FAM120B: variants seen among roughly 807,000 people sequenced by gnomAD.
The protein encoded by FAM120B is family with sequence similarity 120 member B, also known as constitutive coactivator of peroxisome proliferator-activated receptor gamma.
In FAM120B, 83 loss-of-function variants were observed where a neutral mutation model predicts 96.3. That is an observed-to-expected ratio of 0.86 (90% CI 0.72 to 1.03). The LOEUF (loss-of-function observed/expected upper bound fraction) is 1.03, where lower values mean the gene tolerates loss of function less well. Among genes scored for constraint, FAM120B ranks in the 50% least tolerant of loss-of-function variants. The pLI is 0.00. For synonymous variants in FAM120B, 407 were observed against 402.7 expected, an observed-to-expected ratio of 1.01 and a Z score of -0.13; for missense variants, 1,027 against 1,121.2, an observed-to-expected ratio of 0.92 and a Z score of 1.20.
At chr6:170,335,462 G>C (rs1259943697) in intron 4 of FAM120B, among the ~76,000 whole-genome samples, 1 of 152,112 alleles carries the variant, frequency 6.6e-6, no homozygotes, top group African/African-American at 2.4e-5. Flanking sequence ...TATCATTGAT[G>C]GGCATTTGGA....
At chr6:170,399,240 G>T (rs1328176935) in intron 9 of FAM120B, among the ~76,000 whole-genome samples, 2 of 146,438 alleles carry the variant, frequency 1.4e-5, no homozygotes, top group Admixed American at 6.7e-5. Flanking sequence ...TAACTCTTAG[G>T]AGTGAGTGAG....
chr6:170,379,072 C>T (rs936790923), intron 6 of FAM120B, among the ~76,000 whole-genome samples: 2 of 152,076 alleles, frequency 1.3e-5, no homozygotes, highest in Non-Finnish European at 2.9e-5. Context: ...AGACATGGAA[C>T]GAAGGAATGA....
chr6:170,323,299 G>A (rs1480859142), intron 3 of FAM120B, 40 bp downstream of exon 3: 1 of 1,542,876 alleles, frequency 6.5e-7, no homozygotes, highest in South Asian at 1.2e-5. Flanking sequence ...GGTTCTATTT[G>A]GAGTTGAGTT....
Position 170,318,308 on chromosome 6 carries a change from A to G in FAM120B, c.918A>G (p.Leu306=), listed in dbSNP as rs752459220. ...ATAAAGGAATGGCATCATATCTTTT[A>G]CCAGGACAAAAATCTCCATGGTTTT... ...LFYKGMASYL[L]PGQKSPWFFQ... Residue 306 remains leucine, a synonymous_variant, in exon 2 of 11, where the codon TTA becomes TTG. Coordinates refer to ENST00000476287, the MANE Select transcript of FAM120B (RefSeq NM_032448.3). 2 of 1,614,068 alleles carry G rather than the reference A, an allele frequency of 1.2e-6. No individual in the cohort carries two copies. Among genetic ancestry groups the G allele is most frequent in the Non-Finnish European group, 1.7e-6 (2 of 1,180,030 alleles).
chr6:170,374,305 A>G (rs1458238355), intron 6 of FAM120B, among the ~76,000 whole-genome samples: 1 of 152,222 alleles, frequency 6.6e-6, no homozygotes, highest in Non-Finnish European at 1.5e-5. Flanking sequence ...GGTAAATTAT[A>G]CGTAAATTGT....
At chr6:170,385,447 A>T in intron 6 of FAM120B, among the ~76,000 whole-genome samples, 1 of 152,338 alleles carries the variant, frequency 6.6e-6, no homozygotes, top group Admixed American at 6.5e-5. Flanking sequence ...GGAGTGTGGT[A>T]GGTAGGAAGG....
rs965766480 is a variant in FAM120B at position 170,346,427 on chromosome 6, A to G, written c.2018-1724A>G. ...CTTTCCTGTCTGAATTGTAGTCAAA[A>G]AATGATTTTCAAAATCGTTAGTATA... On this transcript the variant is annotated intron_variant, in intron 4 of 10. Coordinates refer to ENST00000476287, the MANE Select transcript of FAM120B (RefSeq NM_032448.3). Among the ~76,000 whole-genome samples the G allele has an allele frequency of 1.6e-4, 24 of 152,374 alleles. No individual in the cohort carries two copies. The South Asian group carries it at 4.6e-3, about 29-fold the overall frequency.
intron 9 of FAM120B, among the ~76,000 whole-genome samples, chr6:170,402,923 G>A (rs915538600): frequency 3.9e-5 from 6 of 152,172 alleles, no homozygotes; most frequent in Non-Finnish European, 8.8e-5. Flanking sequence ...CTGCTTTATT[G>A]GAGTAGATCA....
rs1198098697 is a variant in FAM120B at position 170,370,946 on chromosome 6, G to GTA, written c.2283+12636_2283+12637dup. On this transcript the variant is annotated intron_variant, in intron 6 of 10. Coordinates refer to ENST00000476287, the MANE Select transcript of FAM120B (RefSeq NM_032448.3). The surrounding 1 kb of genome is among the most constrained non-coding windows in gnomAD (Gnocchi z 4.3). ...ACCACCCCACCAAGCAAGAAATGGT[G>GTA]TATATATATCTCAATACGGATGGAT... Among the ~76,000 whole-genome samples the GTA allele has an allele frequency of 3.3e-5, 5 of 152,188 alleles. No homozygotes were observed. Among genetic ancestry groups the GTA allele is most frequent in the South Asian group, 4.1e-4 (2 of 4,824 alleles).
intron 9 of FAM120B, among the ~76,000 whole-genome samples, chr6:170,399,614 A>C (rs1464955518): frequency 1.3e-5 from 2 of 148,182 alleles, no homozygotes; most frequent in Non-Finnish European, 3.0e-5. Flanking sequence ...AGGTAGAACT[A>C]TGTCATAAGC....
intron 2 of FAM120B, among the ~76,000 whole-genome samples, chr6:170,320,658 A>G (rs948430884): frequency 1.3e-5 from 2 of 152,218 alleles, no homozygotes; most frequent in Non-Finnish European, 2.9e-5. Context: ...TGGCACCTCT[A>G]ACACATGTTC....
intron 5 of FAM120B, among the ~76,000 whole-genome samples, chr6:170,353,463 G>T (rs1161517495): frequency 6.6e-6 from 1 of 152,066 alleles, no homozygotes; most frequent in East Asian, 1.9e-4. Flanking sequence ...AAAACTTCAG[G>T]CCAATATCCT....
intron 6 of FAM120B, among the ~76,000 whole-genome samples, chr6:170,360,352 A>G (rs9348271): frequency 0.32 from 48,950 of 152,150 alleles, 9,199 homozygotes; most frequent in East Asian, 0.9. Context: ...CATTTAGTGC[A>G]TTCGATCTTC....
At chr6:170,298,442 A>T (rs1471463884) in intron 1 of FAM120B, 1 of 151,896 alleles carries the variant, frequency 6.6e-6, no homozygotes, top group Non-Finnish European at 1.5e-5. Flanking sequence ...CCCTCTCTCC[A>T]CCACTTCCAA....
At chr6:170,303,433 G>C (rs765232503), upstream of FAM120B, among the ~76,000 whole-genome samples, 14 of 152,090 alleles carry the variant, frequency 9.2e-5, no homozygotes, top group Non-Finnish European at 1.5e-4. Flanking sequence ...GTAGAGATGA[G>C]GTCTCACTAT....
At chr6:170,394,470 C>A (rs1411667089) in intron 8 of FAM120B, among the ~76,000 whole-genome samples, 2 of 151,252 alleles carry the variant, frequency 1.3e-5, no homozygotes, top group East Asian at 4.0e-4. Context: ...AGCACAAGGC[C>A]ACGCCTCCGT....
chr6:170,318,508 C>T lies in FAM120B; in HGVS notation c.1118C>T (p.Pro373Leu). The change falls in exon 2 of 11, where the codon CCC becomes CTC. Residue 373 changes from proline to leucine, a missense_variant. Pro to Leu is a moderately conservative substitution (Grantham distance 98). This residue lies in a region of FAM120B where 880 missense variants were observed against 980.9 expected (regional missense o/e 0.90). Transcript: ENST00000476287. ...REVPVYTDSE[P>L]RQEVPMCSDP... ...GTTCCCGTGTATACAGATTCTGAAC[C>T]CAGGCAAGAAGTTCCCATGTGTTCA... 6.3e-7 allele frequency: 1 copy of T among 1,582,528 alleles called. No individual in the cohort carries two copies. The highest frequency in any genetic ancestry group is 8.6e-7 in the Non-Finnish European group (1 of 1,162,070).
In FAM120B at chr6:170,322,872, A is replaced by AGAG. The variant is rs762417191; in HGVS notation, c.1735-196_1735-194dup. 2.6e-5 allele frequency among the ~76,000 whole-genome samples: 4 copies of AGAG among 151,918 alleles called. No homozygotes were observed. In the South Asian group the frequency reaches 8.3e-4, roughly 32 times the overall value. On this transcript the variant is annotated intron_variant, in intron 2 of 10. Coordinates refer to ENST00000476287, the MANE Select transcript of FAM120B (RefSeq NM_032448.3). ...AGATAAGACTGGTAGACGTTTGGAGAGAGGAGGAGGAGGGGGAATAGAAAG... is the reference window on the plus strand; with the variant it reads ...AGATAAGACTGGTAGACGTTTGGAGAGAGGAGGAGGAGGAGGGGGAATAGAAAG...
At chr6:170,315,060 C>G (rs1784818639) in intron 1 of FAM120B, among the ~76,000 whole-genome samples, 1 of 152,220 alleles carries the variant, frequency 6.6e-6, no homozygotes, top group African/African-American at 2.4e-5. Flanking sequence ...AGGTTCAGTC[C>G]TCTGCTTCGA....
Sources: allele counts gnomAD v4.1 joint callset (sites outside exome capture counted in the v4.1 genomes callset), GRCh38; gene constraint gnomAD v4.1.1; regional missense constraint gnomAD v4.1.1; non-coding constraint Gnocchi (gnomAD v3.1); transcripts MANE v1.5; gene names NCBI Gene and HGNC (gene_info 2026-07-23, HGNC 2026-07-21).